PNPT1: variants seen among roughly 807,000 people sequenced by gnomAD.
PNPT1 encodes polyribonucleotide nucleotidyltransferase 1, mitochondrial.
PNPT1 carries 53 observed loss-of-function variants against 119.5 expected under a neutral mutation model. That is an observed-to-expected ratio of 0.44 (90% CI 0.36 to 0.56). The LOEUF is 0.56. PNPT1 is among the 20% of genes least tolerant of loss of function. PNPT1 has a pLI of 0.00. For missense variants in PNPT1, 948 were observed against 938.5 expected, an observed-to-expected ratio of 1.01 and a Z score of -0.13; for synonymous variants, 357 against 322.1, an observed-to-expected ratio of 1.11 and a Z score of -1.16.
intron 9 of PNPT1, 36 bp from the exon 10 acceptor site, chr2:55,672,082 A>G (rs1696934716): frequency 6.7e-7 from 1 of 1,485,800 alleles, no homozygotes; most frequent in East Asian, 2.3e-5. Context: ...GCATAATAAT[A>G]TCTGGAAACA....
intron 12 of PNPT1, among the ~76,000 whole-genome samples, chr2:55,667,533 G>T (rs1696771420): frequency 6.6e-6 from 1 of 151,674 alleles, no homozygotes; most frequent in Non-Finnish European, 1.5e-5. Flanking sequence ...GGCGGAGCTT[G>T]CAGTGAGCCG....
At chr2:55,656,454 C>CT in intron 15 of PNPT1, 83 bp from the exon 16 acceptor site, 1 of 1,224,204 alleles carries the variant, frequency 8.2e-7, no homozygotes, top group Non-Finnish European at 1.1e-6. Context: ...AATAAAACAA[C>CT]TTATAGAACA....
chr2:55,664,756 A>G (rs1480932012), intron 13 of PNPT1, among the ~76,000 whole-genome samples: 1 of 152,174 alleles, frequency 6.6e-6, no homozygotes, highest in Non-Finnish European at 1.5e-5. Context: ...TGGATAACAA[A>G]AGTATGCAGA....
chr2:55,645,930 C>A (rs376830693), intron 21 of PNPT1, among the ~76,000 whole-genome samples: 47 of 152,142 alleles, frequency 3.1e-4, no homozygotes, highest in African/African-American at 1.1e-3. Context: ...TGGGCTCAAG[C>A]GATTCTCTTG....
chr2:55,662,051 G>C, intron 13 of PNPT1, 25 bp from the exon 14 acceptor site: 1 of 1,518,038 alleles, frequency 6.6e-7, no homozygotes, highest in Non-Finnish European at 8.8e-7. Context: ...GAATTCCTCA[G>C]GCTTTAATAT....
At chr2:55,676,831 C>T (rs940741746) in intron 8 of PNPT1, among the ~76,000 whole-genome samples, 5 of 149,682 alleles carry the variant, frequency 3.3e-5, no homozygotes, top group African/African-American at 9.9e-5. Context: ...CACTGTACTC[C>T]AGCCTCGGCA....
At chr2:55,691,864 ATATATATATATATATTTTTTTT>A (rs1324592541) in intron 1 of PNPT1, among the ~76,000 whole-genome samples, 16 of 37,212 alleles carry the variant, frequency 4.3e-4, no homozygotes, top group South Asian at 2.1e-3. Context: ...ATATATATAT[ATATATATATATATATTTTTTTT>A]TTTTTTTTTT....
At chr2:55,655,135 A>G (rs1696344571) in intron 17 of PNPT1, among the ~76,000 whole-genome samples, 182 bp from the exon 18 acceptor site, 1 of 152,202 alleles carries the variant, frequency 6.6e-6, no homozygotes, top group Non-Finnish European at 1.5e-5. Flanking sequence ...AAGGTCCAAT[A>G]TGGTAGACAT....
chr2:55,650,884 C>G lies in PNPT1; in HGVS notation c.1496-3431G>C, dbSNP rs568816941. ...GTCTCTGCCCGGCAGCCACCTCGTC[C>G]GGCAGGGAGGTGGGGGGGTCAGCCC... On this transcript the variant is annotated intron_variant, in intron 18 of 27. Transcript: ENST00000447944. Among the ~76,000 whole-genome samples the G allele has an allele frequency of 7.8e-3, 1,176 of 150,774 alleles. 5 individuals carry two copies. Among genetic ancestry groups the G allele is most frequent in the African/African-American group, 0.026 (1,071 of 41,088 alleles).
chr2:55,644,941 GT>G (rs1559087879), intron 22 of PNPT1: 4 of 386,532 alleles, frequency 1.0e-5, no homozygotes, highest in African/African-American at 8.4e-5. Flanking sequence ...AAATATTTTC[GT>G]TTTGTGCACT....
intron 5 of PNPT1, among the ~76,000 whole-genome samples, chr2:55,682,637 G>C (rs992810264): frequency 4.6e-5 from 7 of 152,128 alleles, no homozygotes; most frequent in Admixed American, 6.5e-5. Flanking sequence ...ACCGGGTGTG[G>C]TGGCTCATGT....
chr2:55,651,195 T>C (rs1572803861), intron 18 of PNPT1, among the ~76,000 whole-genome samples: 1 of 145,372 alleles, frequency 6.9e-6, no homozygotes, highest in Non-Finnish European at 1.5e-5. Context: ...GTCTGGGAGG[T>C]GAGGGGCGCC....
rs1470108859 is a variant in PNPT1, at chr2:55,693,579, G to C, written c.161+84C>G. On this transcript the variant is annotated intron_variant, in intron 1 of 27. Transcript: ENST00000447944. ...AGATTAAATAGAGCTGGGATACCGG[G>C]TTTCTACCCTGGGAGATGAATACGC... 3.9e-6 allele frequency: 6 copies of C among 1,556,230 alleles called. No homozygotes were observed. The African/African-American group carries it at 8.1e-5, about 21-fold the overall frequency.
At chr2:55,669,960 T>G (rs1359163187) in intron 11 of PNPT1, among the ~76,000 whole-genome samples, 2 of 151,994 alleles carry the variant, frequency 1.3e-5, no homozygotes, top group South Asian at 2.1e-4. Flanking sequence ...GGTTTCACCA[T>G]ATTGGCCAGG....
chr2:55,667,213 TA>T, intron 12 of PNPT1, 120 bp from the exon 13 acceptor site: 1 of 669,252 alleles, frequency 1.5e-6, no homozygotes, highest in Non-Finnish European at 2.6e-6. Flanking sequence ...TGTGGAACTT[TA>T]AAAAATAATA....
At chr2:55,654,757 G>T (rs971563107) in intron 18 of PNPT1, 143 bp downstream of exon 18, 2 of 624,082 alleles carry the variant, frequency 3.2e-6, no homozygotes, top group Non-Finnish European at 5.7e-6. Flanking sequence ...AATCTTTTTT[G>T]TAGAGATGAG....
intron 8 of PNPT1, among the ~76,000 whole-genome samples, chr2:55,679,187 T>C (rs1697173254): frequency 6.6e-6 from 1 of 152,194 alleles, no homozygotes; most frequent in African/African-American, 2.4e-5. Context: ...CCATGGTCAA[T>C]GCATTTCTTC....
chr2:55,675,698 A>AAAAG (rs758856556), intron 8 of PNPT1, among the ~76,000 whole-genome samples: 4 of 152,108 alleles, frequency 2.6e-5, no homozygotes, highest in Non-Finnish European at 4.4e-5. Context: ...CTGTCTTAAA[A>AAAAG]AAAGAAAGAA....
intron 11 of PNPT1, among the ~76,000 whole-genome samples, chr2:55,669,559 G>C (rs1045542530): frequency 6.6e-6 from 1 of 152,136 alleles, no homozygotes; most frequent in Non-Finnish European, 1.5e-5. Flanking sequence ...GTACCAAAAT[G>C]TTTAAAATAT....
Sources: gnomAD v4.1 joint callset for allele counts (sites outside exome capture counted in the v4.1 genomes callset) on GRCh38, gnomAD v4.1.1 for gene constraint, MANE v1.5 for transcripts, NCBI Gene and HGNC (gene_info 2026-07-23, HGNC 2026-07-21) for gene names.